Variants in ESRRG observed in about 807,000 individuals in gnomAD.
ESRRG encodes the protein estrogen related receptor gamma.
A neutral mutation model predicts 44.0 loss-of-function variants in ESRRG; 13 were observed. That is an observed-to-expected ratio of 0.30 (90% CI 0.19 to 0.47). The LOEUF is 0.47. Among genes scored for constraint, ESRRG ranks in the 20% least tolerant of loss-of-function variants. The pLI is 1.00. For synonymous variants in ESRRG, 215 were observed against 214.6 expected (o/e 1.00, Z -0.02); for missense variants, 395 against 580.6 (o/e 0.68, Z 3.29).
intron 1 of ESRRG, among the ~76,000 whole-genome samples, chr1:216,971,306 C>A (rs2071607118): frequency 6.6e-6 from 1 of 152,150 alleles, no homozygotes; most frequent in African/African-American, 2.4e-5. Context: ...TGCATAACTG[C>A]AGAATGGAGG....
intron 3 of ESRRG, among the ~76,000 whole-genome samples, chr1:216,614,482 G>A (rs974950246): frequency 2.6e-5 from 4 of 152,180 alleles, no homozygotes; most frequent in South Asian, 2.1e-4. Flanking sequence ...GTACTCCAGC[G>A]ACCCTTTGTG....
intron 5 of ESRRG, among the ~76,000 whole-genome samples, chr1:216,537,337 T>C: frequency 6.6e-6 from 1 of 152,066 alleles, no homozygotes. Context: ...TTGGACTTCC[T>C]AGCCTCTAGA....
At chr1:216,945,727 T>TA (rs1191417982) in intron 1 of ESRRG, among the ~76,000 whole-genome samples, 10 of 152,176 alleles carry the variant, frequency 6.6e-5, no homozygotes, top group African/African-American at 2.4e-4. Flanking sequence ...CATTCACATT[T>TA]AAAAAATGAC....
chr1:217,066,233 G>T (rs985236348), intron 1 of ESRRG, among the ~76,000 whole-genome samples: 1 of 151,322 alleles, frequency 6.6e-6, no homozygotes, highest in East Asian at 2.0e-4. Context: ...TATATCCCAT[G>T]GGGAGAATTC....
intron 6 of ESRRG, among the ~76,000 whole-genome samples, chr1:216,511,536 T>G (rs1180278517): frequency 3.4e-5 from 1 of 29,716 alleles, no homozygotes; most frequent in Non-Finnish European, 1.4e-4. Flanking sequence ...ATTCCCAAAA[T>G]ATACATAAAT....
intron 2 of ESRRG, among the ~76,000 whole-genome samples, chr1:216,820,772 G>C (rs748078676): frequency 6.6e-6 from 1 of 152,180 alleles, no homozygotes; most frequent in Non-Finnish European, 1.5e-5. Flanking sequence ...GTAGACAACA[G>C]GTCAAGGGTG....
chr1:216,672,066 G>T (rs2151417776), intron 2 of ESRRG, among the ~76,000 whole-genome samples: 1 of 151,286 alleles, frequency 6.6e-6, no homozygotes, highest in South Asian at 2.1e-4. Flanking sequence ...AGGAAGGAGG[G>T]AAAGAAGGCA....
chr1:216,618,507 A>C (rs1055800558), intron 3 of ESRRG, among the ~76,000 whole-genome samples: 13 of 152,188 alleles, frequency 8.5e-5, no homozygotes, highest in African/African-American at 2.9e-4. Flanking sequence ...CCTAATTTAC[A>C]TATATATAAA....
intron 1 of ESRRG, among the ~76,000 whole-genome samples, chr1:217,036,946 T>C (rs548793708): frequency 2.0e-5 from 3 of 152,132 alleles, no homozygotes; most frequent in Non-Finnish European, 4.4e-5. Context: ...TCCTCAGTCA[T>C]GCCCGAGTTG....
intron 1 of ESRRG, among the ~76,000 whole-genome samples, chr1:217,087,895 T>G (rs2092181005): frequency 2.0e-5 from 3 of 152,210 alleles, no homozygotes; most frequent in Admixed American, 2.0e-4. Context: ...CAATGTCACT[T>G]CGTCTCCATC....
intron 2 of ESRRG, among the ~76,000 whole-genome samples, chr1:216,798,782 C>T (rs962461923): frequency 3.9e-5 from 6 of 152,100 alleles, no homozygotes; most frequent in African/African-American, 1.4e-4. Context: ...ACTCTCTTAC[C>T]TTAGTTTCTT....
intron 1 of ESRRG, among the ~76,000 whole-genome samples, chr1:217,087,760 T>C (rs1409280687): frequency 2.0e-5 from 3 of 152,234 alleles, no homozygotes; most frequent in African/African-American, 7.2e-5. Flanking sequence ...TAAAGAGTTA[T>C]GAGAATTGCT....
chr1:217,117,038 T>A (rs985870020), intron 1 of ESRRG, among the ~76,000 whole-genome samples: 3 of 152,146 alleles, frequency 2.0e-5, no homozygotes, highest in Non-Finnish European at 4.4e-5. Context: ...AAATGCCACA[T>A]TGATGATAGT....
At chr1:216,520,274 T>C (rs866171737) in intron 5 of ESRRG, among the ~76,000 whole-genome samples, 19 of 152,132 alleles carry the variant, frequency 1.2e-4, no homozygotes, top group African/African-American at 3.9e-4. Flanking sequence ...TTGGGAAATA[T>C]AAAATATCAC....
At position 216,894,164 on chromosome 1, in the gene ESRRG, C is replaced by G. The variant is rs1437272122; in HGVS notation, c.-14+45418G>C. ...TTGAGTATTCTGCCCCGATTATAAC[C>G]TATGTTCTGCTTGACTGTGGATCAT... On this transcript the variant is annotated intron_variant, in intron 2 of 7. Transcript: ENST00000359162. 3.3e-5 allele frequency among the ~76,000 whole-genome samples: 5 copies of G among 152,078 alleles called. No individual in the cohort carries two copies. The East Asian group carries it at 9.7e-4, about 29-fold the overall frequency.
chr1:216,544,544 A>G (rs568412191), intron 5 of ESRRG, among the ~76,000 whole-genome samples: 11 of 151,974 alleles, frequency 7.2e-5, no homozygotes, highest in African/African-American at 2.2e-4. Context: ...TGCGTTTCAT[A>G]TTTTTTCATG....
chr1:216,855,186 T>C (rs7537872), intron 2 of ESRRG: 14,482 of 152,236 alleles, frequency 0.095, 836 homozygotes, highest in East Asian at 0.23. Context: ...GCCGCTGATA[T>C]GACACTTGGA....
chr1:216,745,552 C>A (rs2091295852), intron 2 of ESRRG, among the ~76,000 whole-genome samples: 1 of 141,298 alleles, frequency 7.1e-6, no homozygotes, highest in African/African-American at 2.4e-5. Context: ...CTGTGCTATG[C>A]ATAGGAGTTT....
chr1:216,793,799 A>T (rs2094395863), intron 2 of ESRRG, among the ~76,000 whole-genome samples: 1 of 152,174 alleles, frequency 6.6e-6, no homozygotes, highest in African/African-American at 2.4e-5. Context: ...TGACTTGAGG[A>T]TAGGAGCCAC....
Sources: allele counts gnomAD v4.1 joint callset (sites outside exome capture counted in the v4.1 genomes callset), GRCh38; gene constraint gnomAD v4.1.1; transcripts MANE v1.5; gene names NCBI Gene and HGNC (gene_info 2026-07-23, HGNC 2026-07-21).